The following RTRAF variants were observed in gnomAD, a reference collection of about 807,000 sequenced individuals.
RTRAF encodes RNA transcription, translation and transport factor.
A neutral mutation model predicts 34.4 loss-of-function variants in RTRAF; 14 were observed. The observed-to-expected ratio is 0.41, with a 90% CI of 0.27 to 0.64. RTRAF has a LOEUF of 0.64. RTRAF is among the 30% of genes least tolerant of loss of function. The probability of loss-of-function intolerance (pLI) is 0.34; values close to 1 mark genes in which losing one functional copy is unlikely to be tolerated. For missense variants in RTRAF, 291 were observed against 288.4 expected, an observed-to-expected ratio of 1.01 and a Z score of -0.06; for synonymous variants, 96 against 95.3, an observed-to-expected ratio of 1.01 and a Z score of -0.04.
chr14:51,989,716 C>T lies in RTRAF; in HGVS notation c.61+16C>T, dbSNP rs760091058. ...AACTGCAAAGGTGAGGCGGCGGCCT[C>T]AGCCCGGCCGCGTGTCCCTGACCTG... On this transcript the variant is annotated intron_variant, in intron 1 of 7. Transcript: ENST00000261700. The T allele has an allele frequency of 6.9e-6, 11 of 1,591,514 alleles. No homozygotes were observed. The highest frequency in any genetic ancestry group is 5.4e-5 in the African/African-American group (4 of 73,996).
rs889312341 is a variant in RTRAF at position 52,008,249 on chromosome 14, C to T, written c.*3733C>T. On this transcript the variant is annotated 3_prime_UTR_variant, in exon 8 of 8. Coordinates refer to ENST00000261700, the MANE Select transcript of RTRAF (RefSeq NM_016039.3). Reference sequence around the variant, plus strand: ...AGCTGGATGCCATGTTGCAAGCTACCCTGTAAAGGGGAACATGTGCCAAGG... The same window carrying T: ...AGCTGGATGCCATGTTGCAAGCTACTCTGTAAAGGGGAACATGTGCCAAGG... The T allele has an allele frequency of 1.0e-5, 3 of 291,908 alleles. No homozygotes were observed. The highest frequency in any genetic ancestry group is 4.8e-5 in the Admixed American group (1 of 20,628). 18.1% of individuals were successfully genotyped at this position (291,908 alleles called of 1,614,324 possible).
Position 52,004,671 on chromosome 14 carries a change from C to A in RTRAF, c.*155C>A. ...TACCACCATTGCTTATTGCTTTTTTCTTTAATAAAGTTTAGGAAAGTAGAA... is the reference window on the plus strand; with the variant it reads ...TACCACCATTGCTTATTGCTTTTTTATTTAATAAAGTTTAGGAAAGTAGAA... On this transcript the variant is annotated 3_prime_UTR_variant, in exon 8 of 8. Coordinates refer to ENST00000261700, the MANE Select transcript of RTRAF (RefSeq NM_016039.3). The A allele has an allele frequency of 1.6e-6, 1 of 642,424 alleles. No individual in the cohort carries two copies. The highest frequency in any genetic ancestry group is 2.6e-5 in the South Asian group (1 of 38,828). 39.8% of individuals were successfully genotyped at this position (642,424 alleles called of 1,614,324 possible). A position where few individuals can be genotyped will look rare whatever the true frequency, so the allele number is the denominator to read the frequency against.
At chr14:51,991,080 G>A (rs143250489) in intron 1 of RTRAF, among the ~76,000 whole-genome samples, 9 of 152,204 alleles carry the variant, frequency 5.9e-5, no homozygotes, top group African/African-American at 2.2e-4. Context: ...AGAAAATGTG[G>A]GTGATTATCC....
intron 2 of RTRAF, among the ~76,000 whole-genome samples, chr14:51,993,120 A>C (rs1890460977): frequency 6.6e-6 from 1 of 151,880 alleles, no homozygotes; most frequent in African/African-American, 2.4e-5. Context: ...GACAGTAAGA[A>C]TAATTTCAAC....
Position 52,007,723 on chromosome 14 carries a change from T to C in RTRAF, c.*3207T>C. 1 of 1,171,760 alleles carries C rather than the reference T, an allele frequency of 8.5e-7. No homozygotes were observed. The highest frequency in any genetic ancestry group is 1.2e-6 in the Non-Finnish European group (1 of 802,144). The allele number at this position is 1,171,760 out of a possible 1,614,324, so 72.6% of individuals were successfully genotyped here. A position where few individuals can be genotyped will look rare whatever the true frequency, so the allele number is the denominator to read the frequency against. On this transcript the variant is annotated 3_prime_UTR_variant, in exon 8 of 8. Coordinates refer to ENST00000261700, the MANE Select transcript of RTRAF (RefSeq NM_016039.3). ...GACCAAAGAAAGGAGATCTAAGTGATGGGATTTCATTTTGTAGTAAAATCT... is the reference window on the plus strand; with the variant it reads ...GACCAAAGAAAGGAGATCTAAGTGACGGGATTTCATTTTGTAGTAAAATCT...
chr14:52,002,311 A>T (rs1373290847), intron 6 of RTRAF, among the ~76,000 whole-genome samples: 1 of 152,194 alleles, frequency 6.6e-6, no homozygotes, highest in Non-Finnish European at 1.5e-5. Flanking sequence ...ATTTCCTGGC[A>T]TAAAACATGA....
Position 52,005,848 on chromosome 14 carries a change from C to A in RTRAF, c.*1332C>A. 1 of 1,600,840 alleles carries A rather than the reference C, an allele frequency of 6.2e-7. No homozygotes were observed. Among genetic ancestry groups the A allele is most frequent in the Non-Finnish European group, 8.6e-7 (1 of 1,167,964 alleles). ...TGTTTATTTACTGATACAACACCAT[C>A]CCTGGTAACAGAAAGGAAGAGTGAA... On this transcript the variant is annotated 3_prime_UTR_variant, in exon 8 of 8. Transcript: ENST00000261700.
chr14:52,002,696 C>T (rs1360831504), intron 6 of RTRAF, among the ~76,000 whole-genome samples: 1 of 152,228 alleles, frequency 6.6e-6, no homozygotes, highest in Non-Finnish European at 1.5e-5. Flanking sequence ...TGTCTGATAA[C>T]ACCTGCCTCC....
chr14:51,999,447 TA>T, intron 4 of RTRAF: 1 of 317,854 alleles, frequency 3.1e-6, no homozygotes, highest in Non-Finnish European at 5.8e-6. Context: ...GAACTCATTG[TA>T]AGGTCAAAAA....
chr14:51,991,658 A>G (rs1839101488), intron 2 of RTRAF, among the ~76,000 whole-genome samples: 1 of 152,238 alleles, frequency 6.6e-6, no homozygotes, highest in Admixed American at 6.5e-5. Flanking sequence ...TTAGGTAGAA[A>G]TAGTTTTCTC....
At chr14:51,994,574 A>G (rs1890487469) in intron 3 of RTRAF, among the ~76,000 whole-genome samples, 1 of 152,172 alleles carries the variant, frequency 6.6e-6, no homozygotes, top group Admixed American at 6.5e-5. Flanking sequence ...TTCTGCCAGG[A>G]GTATTATAAT....
chr14:52,001,967 C>A, intron 6 of RTRAF, 101 bp downstream of exon 6: 1 of 998,746 alleles, frequency 1.0e-6, no homozygotes, highest in Non-Finnish European at 1.5e-6. Context: ...ATCCATTCTA[C>A]GTTCTACAAC....
Position 52,004,178 on chromosome 14 carries a change from C to G in RTRAF, c.532-16C>G. 1 of 1,604,676 alleles carries G rather than the reference C, an allele frequency of 6.2e-7. No homozygotes were observed. ...TTAACCATAAATACTCTCATTTTGT[C>G]TTTCTTTTTTTAAAGGGCTTACCTG... On this transcript the variant is annotated splice_polypyrimidine_tract_variant and intron_variant, in intron 6 of 7. Coordinates refer to ENST00000261700, the MANE Select transcript of RTRAF (RefSeq NM_016039.3).
intron 3 of RTRAF, among the ~76,000 whole-genome samples, chr14:51,997,687 T>A (rs894584931): frequency 4.0e-5 from 6 of 151,862 alleles, no homozygotes; most frequent in Non-Finnish European, 5.9e-5. Flanking sequence ...ATGAAATAAG[T>A]TTGAGGTTTG....
In RTRAF at chr14:51,991,428, A is replaced by G; in HGVS notation, c.173A>G (p.Lys58Arg). 6.2e-7 allele frequency: 1 copy of G among 1,612,620 alleles called. No homozygotes were observed. Among genetic ancestry groups the G allele is most frequent in the South Asian group, 1.1e-5 (1 of 90,734 alleles). The stretch of plus-strand genomic sequence containing the variant: ...AACATCCACAGCAGCGACTGGCCCA[A>G]GTTCTTTGAAAAGGTAATGAATTAG... ...LRNIHSSDWP[K>R]FFEKYLRDVN... Residue 58 changes from lysine (K) to arginine (R), a missense_variant, in exon 2 of 8, where the codon AAG (lysine) becomes AGG (arginine). Transcript: ENST00000261700.
intron 5 of RTRAF, 85 bp from the exon 6 acceptor site, chr14:52,001,713 G>A (rs1890604111): frequency 1.0e-6 from 1 of 1,000,316 alleles, no homozygotes; most frequent in African/African-American, 1.7e-5. Context: ...TCATCAAAAT[G>A]AGCATCCTTA....
intron 2 of RTRAF, among the ~76,000 whole-genome samples, chr14:51,992,017 CATT>C (rs1340021891): frequency 6.6e-6 from 1 of 152,142 alleles, no homozygotes; most frequent in Non-Finnish European, 1.5e-5. Context: ...CAAAAAAAGA[CATT>C]ATTGAGATGC....
rs1890671688 is a variant in RTRAF at position 52,004,377 on chromosome 14, A to G, written c.596A>G (p.Glu199Gly). The G allele has an allele frequency of 1.2e-6, 2 of 1,613,538 alleles. No homozygotes were observed. The highest frequency in any genetic ancestry group is 1.3e-5 in the African/African-American group (1 of 74,888). The change falls in exon 8 of 8, where the codon GAA (glutamate) becomes GGA (glycine). Residue 199 changes from glutamate to glycine, a missense_variant. Glu to Gly is a moderately conservative substitution (Grantham distance 98). Transcript: ENST00000261700. ...GFDTGDAVLN[E>G]AAQILRLLHI... ...CATAAAACAGATGCAGTTCTTAATG[A>G]AGCTGCTCAAATTCTGCGATTGCTG...
intron 2 of RTRAF, among the ~76,000 whole-genome samples, chr14:51,992,101 A>G (rs1890443467): frequency 6.6e-6 from 1 of 152,226 alleles, no homozygotes; most frequent in Non-Finnish European, 1.5e-5. Flanking sequence ...TATGCTAGGG[A>G]AATAGTCCTT....
Sources: gnomAD v4.1 joint callset for allele counts (sites outside exome capture counted in the v4.1 genomes callset) on GRCh38, gnomAD v4.1.1 for gene constraint, MANE v1.5 for transcripts, NCBI Gene and HGNC (gene_info 2026-07-23, HGNC 2026-07-21) for gene names.